TECTB: variants seen among roughly 807,000 people sequenced by gnomAD.
The protein encoded by TECTB is beta-tectorin.
In TECTB, 45 loss-of-function variants were observed where a neutral mutation model predicts 43.3. The ratio of observed to expected loss-of-function variants is 1.04; its 90% CI spans 0.82 to 1.33. The LOEUF (loss-of-function observed/expected upper bound fraction) is 1.33. Ranked by LOEUF, TECTB falls within the 40% of genes most tolerant of loss-of-function variation. The probability of loss-of-function intolerance (pLI) is 0.00; values close to 1 mark genes in which losing one functional copy is unlikely to be tolerated. For synonymous variants in TECTB, 169 were observed against 156.7 expected, an observed-to-expected ratio of 1.08 and a Z score of -0.59; for missense variants, 399 against 404.7, an observed-to-expected ratio of 0.99 and a Z score of 0.12.
At position 112,283,534 on chromosome 10, in the gene TECTB, A is replaced by C. The variant is rs1019311640; in HGVS notation, c.-88+38A>C. On this transcript the variant is annotated intron_variant, in intron 1 of 10. Transcript: ENST00000646139. ...CTTTTTGCCTCTCAGCGCTAACAGG[A>C]AACAATTAGAAACGACACAACATCG... 7.5e-5 allele frequency: 43 copies of C among 576,568 alleles called. No homozygotes were observed. The East Asian group carries it at 1.2e-3, about 17-fold the overall frequency. The allele number at this position is 576,568 out of a possible 1,614,324, so 35.7% of individuals were successfully genotyped here. A position where few individuals can be genotyped will look rare whatever the true frequency, so the allele number is the denominator to read the frequency against.
Position 112,286,409 on chromosome 10 carries a change from TC to T in TECTB, c.483+21del, listed in dbSNP as rs748021383. Reference sequence around the variant, plus strand: ...TCTACACTGTAAGTGGTCTCCAGGTTCCCATTACTTCCCTGTGGCCTTTCCT... The same window carrying T: ...TCTACACTGTAAGTGGTCTCCAGGTTCCATTACTTCCCTGTGGCCTTTCCT... On this transcript the variant is annotated intron_variant, in intron 5 of 10. Coordinates refer to ENST00000646139, the MANE Select transcript of TECTB (RefSeq NM_058222.3). 1 of 1,595,160 alleles carries T rather than the reference TC, an allele frequency of 6.3e-7. No homozygotes were observed. The highest frequency in any genetic ancestry group is 8.6e-7 in the Non-Finnish European group (1 of 1,165,930).
At chr10:112,303,178 C>A in intron 10 of TECTB, 85 bp from the exon 11 acceptor site, 1 of 1,503,238 alleles carries the variant, frequency 6.7e-7, no homozygotes, top group Admixed American at 1.7e-5. Context: ...TTTATGAAGA[C>A]CCCTGAGTTA....
intron 5 of TECTB, among the ~76,000 whole-genome samples, chr10:112,292,138 A>G (rs1368335026): frequency 6.6e-6 from 1 of 150,698 alleles, no homozygotes; most frequent in Non-Finnish European, 1.5e-5. Flanking sequence ...TCCATCTCAA[A>G]AAAAAAAAAA....
At chr10:112,293,294 G>T (rs1456586802) in intron 5 of TECTB, among the ~76,000 whole-genome samples, 1 of 150,890 alleles carries the variant, frequency 6.6e-6, no homozygotes, top group Non-Finnish European at 1.5e-5. Context: ...TGGGAATCTG[G>T]GAATCTGATC....
intron 5 of TECTB, among the ~76,000 whole-genome samples, chr10:112,289,570 G>A (rs1302413823): frequency 1.3e-5 from 2 of 152,176 alleles, no homozygotes; most frequent in East Asian, 3.8e-4. Flanking sequence ...ATGTGTCCCA[G>A]TTCTGTCTTC....
intron 2 of TECTB, 106 bp downstream of exon 2, chr10:112,283,916 G>A: frequency 8.0e-7 from 1 of 1,243,560 alleles, no homozygotes; most frequent in Non-Finnish European, 1.1e-6. Context: ...ATGTAATGAT[G>A]TAGCCAAGCA....
chr10:112,292,091 G>A (rs991135178), intron 5 of TECTB, among the ~76,000 whole-genome samples: 2 of 150,698 alleles, frequency 1.3e-5, no homozygotes, highest in Non-Finnish European at 2.9e-5. Context: ...AGCCGAGATC[G>A]CGCCACTGCA....
intron 8 of TECTB, 141 bp from the exon 9 acceptor site, chr10:112,299,351 T>C: frequency 1.4e-6 from 1 of 695,274 alleles, no homozygotes. Context: ...AAAAGGTAAC[T>C]CATCTCTGTT....
In TECTB at chr10:112,283,915, T is replaced by A. The variant is rs956476097; in HGVS notation, c.76+105T>A. 4.8e-6 allele frequency: 6 copies of A among 1,250,688 alleles called. No homozygotes were observed. In the African/African-American group the frequency reaches 6.0e-5, roughly 13 times the overall value. The allele number at this position is 1,250,688 out of a possible 1,614,324, so 77.5% of individuals were successfully genotyped here. On this transcript the variant is annotated intron_variant, in intron 2 of 10. Transcript: ENST00000646139. ...TTAACTTGTTATAAAAATGTAATGA[T>A]GTAGCCAAGCAGGAAAGTACTTAAG...
At chr10:112,301,155 G>T (rs1232706638) in intron 9 of TECTB, among the ~76,000 whole-genome samples, 1 of 152,216 alleles carries the variant, frequency 6.6e-6, no homozygotes. Context: ...AGGCATGGTG[G>T]CTCATGCCTC....
chr10:112,289,107 A>C (rs1295586923), intron 5 of TECTB, among the ~76,000 whole-genome samples: 1 of 152,216 alleles, frequency 6.6e-6, no homozygotes, highest in East Asian at 1.9e-4. Context: ...TATAGAATTA[A>C]ATGAAATAAT....
rs774092344 is a variant in TECTB at position 112,294,053 on chromosome 10, C to T, written c.663C>T (p.Ile221=). The T allele has an allele frequency of 2.5e-6, 4 of 1,613,896 alleles. No homozygotes were observed. In the African/African-American group the frequency reaches 5.3e-5, roughly 22 times the overall value. ...TGTATCCCTTGCAGTGGCAGCTGAT[C>T]AACAAGGGGTAGGTACACTATCTAG... ...DFMYPLQWQL[I]NKGCPTDETV... is the part of the protein sequence containing the mutation. Residue 221 remains isoleucine (I), a synonymous_variant, in exon 7 of 11, where the codon ATC becomes ATT. Coordinates refer to ENST00000646139, the MANE Select transcript of TECTB (RefSeq NM_058222.3).
chr10:112,297,585 A>G (rs876281), intron 7 of TECTB, among the ~76,000 whole-genome samples: 43,178 of 152,068 alleles, frequency 0.28, 6,887 homozygotes, highest in East Asian at 0.5. Context: ...GATATATATA[A>G]TTTAAATAAT....
At chr10:112,284,854 C>T (rs1345290557) in intron 3 of TECTB, 129 bp downstream of exon 3, 4 of 749,160 alleles carry the variant, frequency 5.3e-6, no homozygotes, top group Non-Finnish European at 7.8e-6. Context: ...AGTCCTGATT[C>T]CCAAATATCC....
intron 5 of TECTB, among the ~76,000 whole-genome samples, chr10:112,286,903 C>T (rs1317995508): frequency 6.6e-6 from 1 of 152,094 alleles, no homozygotes; most frequent in Non-Finnish European, 1.5e-5. Context: ...GCCTGAGAAA[C>T]AAGAGTGAAA....
intron 9 of TECTB, chr10:112,299,814 CAGGA>C: frequency 6.2e-6 from 3 of 482,410 alleles, no homozygotes; most frequent in Non-Finnish European, 1.1e-5. Context: ...CCCAAAGAAT[CAGGA>C]AGTGCTGAGC....
chr10:112,297,345 T>C (rs1425808958), intron 7 of TECTB, among the ~76,000 whole-genome samples: 3 of 152,208 alleles, frequency 2.0e-5, no homozygotes, highest in African/African-American at 4.8e-5. Flanking sequence ...ATCTGTGTCA[T>C]TTTTTAAACT....
rs148150999 is a variant in TECTB at position 112,293,787 on chromosome 10, C to T, written c.533C>T (p.Ser178Phe). The change falls in exon 6 of 11, where the codon TCC (serine) becomes TTC (phenylalanine). Residue 178 changes from serine to phenylalanine, a missense_variant. Coordinates refer to ENST00000646139, the MANE Select transcript of TECTB (RefSeq NM_058222.3). Reference sequence around the variant, plus strand: ...GAAGCTCCCTTTGTCCTGGAGGCATCCGAAATCGGTTCAGATCTGTTTGCA... The same window carrying T: ...GAAGCTCCCTTTGTCCTGGAGGCATTCGAAATCGGTTCAGATCTGTTTGCA... ...KKEAPFVLEASEIGSDLFAGV... is the reference protein window; with the variant it reads ...KKEAPFVLEAFEIGSDLFAGV... The T allele has an allele frequency of 7.4e-6, 12 of 1,613,988 alleles. No individual in the cohort carries two copies. The African/African-American group carries it at 1.5e-4, about 20-fold the overall frequency.
At position 112,293,811 on chromosome 10, in the gene TECTB, C is replaced by T; in HGVS notation, c.557C>T (p.Ala186Val). 3.7e-6 allele frequency: 6 copies of T among 1,614,096 alleles called. No individual in the cohort carries two copies. The highest frequency in any genetic ancestry group is 2.2e-5 in the East Asian group (1 of 44,870). The change falls in exon 6 of 11, where the codon GCA becomes GTA. Residue 186 changes from alanine (A) to valine (V), a missense_variant. Ala to Val is a moderately conservative substitution (Grantham distance 64). Transcript: ENST00000646139. ...EASEIGSDLFAGVEAKGLSIR... is the reference protein window; with the variant it reads ...EASEIGSDLFVGVEAKGLSIR... ...TCCGAAATCGGTTCAGATCTGTTTG[C>T]AGGAGTGGAAGCCAAAGGGTTAAGC...
Sources: gnomAD v4.1 joint callset for allele counts (sites outside exome capture counted in the v4.1 genomes callset) on GRCh38, gnomAD v4.1.1 for gene constraint, MANE v1.5 for transcripts, NCBI Gene and HGNC (gene_info 2026-07-23, HGNC 2026-07-21) for gene names.